Variants in SPIDR observed in about 807,000 individuals in gnomAD.
SPIDR encodes the protein scaffold protein involved in DNA repair.
Under a neutral mutation model 104.6 loss-of-function variants are expected in SPIDR, and 93 were observed. The ratio of observed to expected loss-of-function variants is 0.89; its 90% CI spans 0.75 to 1.06. SPIDR has a LOEUF of 1.06. Ranked by LOEUF, SPIDR falls within the 50% of genes least tolerant of loss-of-function variation. The probability of loss-of-function intolerance (pLI) is 0.00; values close to 1 mark genes in which losing one functional copy is unlikely to be tolerated. For missense variants in SPIDR, 1,154 were observed against 1,111.2 expected (o/e 1.04, Z -0.55); for synonymous variants, 431 against 416.9 (o/e 1.03, Z -0.41).
chr8:47,291,670 A>G (rs2039929903), intron 4 of SPIDR, among the ~76,000 whole-genome samples: 1 of 152,216 alleles, frequency 6.6e-6, no homozygotes, highest in Non-Finnish European at 1.5e-5. Context: ...ACAGTTAACA[A>G]CTTAAGCTTG....
At chr8:47,308,103 C>T (rs1446808714) in intron 5 of SPIDR, among the ~76,000 whole-genome samples, 2 of 151,922 alleles carry the variant, frequency 1.3e-5, no homozygotes, top group African/African-American at 4.8e-5. Context: ...ACTCTGTTGC[C>T]CAGGCTGGAG....
At chr8:47,485,807 A>G (rs2077519357) in intron 8 of SPIDR, among the ~76,000 whole-genome samples, 1 of 152,226 alleles carries the variant, frequency 6.6e-6, no homozygotes. Context: ...TTACAAGGAA[A>G]ACTAACAAAC....
rs528977188 is a variant in SPIDR at position 47,724,774 on chromosome 8, G to A, written c.2342-2426G>A. 5.4e-4 allele frequency among the ~76,000 whole-genome samples: 82 copies of A among 152,342 alleles called. 1 individual carries two copies. Among genetic ancestry groups the A allele is most frequent in the African/African-American group, 1.8e-3 (75 of 41,584 alleles). On this transcript the variant is annotated intron_variant, in intron 16 of 19. Coordinates refer to ENST00000297423, the MANE Select transcript of SPIDR (RefSeq NM_001080394.4). The stretch of plus-strand genomic sequence containing the variant: ...TCCATCCAGGTCTCAGTGATGGGGT[G>A]AGGGGGAGACACTCACTCCTTGCTG...
intron 5 of SPIDR, among the ~76,000 whole-genome samples, chr8:47,387,728 C>T (rs2060120363): frequency 6.6e-6 from 1 of 152,090 alleles, no homozygotes; most frequent in African/African-American, 2.4e-5. Context: ...AGAAGTTGGC[C>T]GGGATATTTA....
chr8:47,307,450 C>T (rs1292826510), intron 5 of SPIDR, among the ~76,000 whole-genome samples: 1 of 151,288 alleles, frequency 6.6e-6, no homozygotes, highest in Non-Finnish European at 1.5e-5. Context: ...AACTCCTGAC[C>T]TCAGGTGATC....
chr8:47,434,577 T>C (rs898162064), intron 7 of SPIDR, among the ~76,000 whole-genome samples: 3 of 152,220 alleles, frequency 2.0e-5, no homozygotes, highest in Non-Finnish European at 2.9e-5. Flanking sequence ...GCAACAATTA[T>C]GTTATGAAAA....
chr8:47,273,831 A>T (rs1321495721), intron 1 of SPIDR, among the ~76,000 whole-genome samples: 1 of 152,090 alleles, frequency 6.6e-6, no homozygotes, highest in African/African-American at 2.4e-5. Context: ...GGCTCAAGAG[A>T]TCCTCCATCC....
chr8:47,421,043 T>A (rs936381451), intron 7 of SPIDR, among the ~76,000 whole-genome samples: 2 of 152,228 alleles, frequency 1.3e-5, no homozygotes, highest in African/African-American at 4.8e-5. Context: ...GCCCTTAACA[T>A]TTTTTCCTCC....
intron 8 of SPIDR, among the ~76,000 whole-genome samples, chr8:47,506,053 C>T (rs1400044970): frequency 6.6e-6 from 1 of 152,160 alleles, no homozygotes; most frequent in Non-Finnish European, 1.5e-5. Context: ...TCTATACTTT[C>T]TCAAACCATT....
chr8:47,457,563 A>T (rs1208059289), intron 8 of SPIDR, among the ~76,000 whole-genome samples: 3 of 151,984 alleles, frequency 2.0e-5, no homozygotes, highest in Non-Finnish European at 2.9e-5. Flanking sequence ...TACTTTGCTG[A>T]CTGTTGCTTT....
Position 47,595,813 on chromosome 8 carries a change from A to G in SPIDR, c.1100A>G (p.Gln367Arg), listed in dbSNP as rs1318070639. The change falls in exon 9 of 20, where the codon CAA (glutamine) becomes CGA (arginine). Residue 367 changes from glutamine (Q) to arginine (R), a missense_variant and splice_region_variant. Gln to Arg is a conservative substitution (Grantham distance 43). Transcript: ENST00000297423. Reference sequence around the variant, plus strand: ...TTGCATGTCTTTCTCTTTTCCAGGCAAAAACTGATTATTCCAAGTGGAAGT... The same window carrying G: ...TTGCATGTCTTTCTCTTTTCCAGGCGAAAACTGATTATTCCAAGTGGAAGT... ...QDTVRIFPPWQKLIIPSGSCP... is the reference protein window; with the variant it reads ...QDTVRIFPPWRKLIIPSGSCP... 1.2e-6 allele frequency: 2 copies of G among 1,613,790 alleles called. No individual in the cohort carries two copies. The highest frequency in any genetic ancestry group is 2.7e-5 in the African/African-American group (2 of 74,910).
intron 7 of SPIDR, among the ~76,000 whole-genome samples, chr8:47,439,409 T>C (rs546341511): frequency 6.6e-6 from 1 of 152,356 alleles, no homozygotes; most frequent in African/African-American, 2.4e-5. Context: ...CTTTCATTTC[T>C]TGAGACCTCT....
chr8:47,296,658 G>C (rs1041053456), intron 5 of SPIDR, among the ~76,000 whole-genome samples: 10 of 152,144 alleles, frequency 6.6e-5, no homozygotes, highest in African/African-American at 2.4e-4. Flanking sequence ...GGTTACATTA[G>C]CTTTGTAACA....
At chr8:47,678,040 A>G (rs77084435) in intron 11 of SPIDR, among the ~76,000 whole-genome samples, 1 of 146,870 alleles carries the variant, frequency 6.8e-6, no homozygotes, top group Non-Finnish European at 1.5e-5. Flanking sequence ...CTCCACCTCA[A>G]AAAAAAAAAA....
intron 10 of SPIDR, among the ~76,000 whole-genome samples, chr8:47,621,509 C>T (rs2065169068): frequency 6.6e-6 from 1 of 152,164 alleles, no homozygotes; most frequent in Admixed American, 6.5e-5. Flanking sequence ...TTGTGCGCGC[C>T]TCTCTCTTGA....
At chr8:47,654,406 C>T (rs1313526976) in intron 10 of SPIDR, among the ~76,000 whole-genome samples, 4 of 152,152 alleles carry the variant, frequency 2.6e-5, no homozygotes, top group Admixed American at 6.5e-5. Context: ...TAGAGTACTT[C>T]CAGGTTTTGA....
intron 16 of SPIDR, among the ~76,000 whole-genome samples, chr8:47,722,373 T>G (rs2083526418): frequency 6.6e-6 from 1 of 152,216 alleles, no homozygotes; most frequent in Non-Finnish European, 1.5e-5. Context: ...CTTGTCTTAC[T>G]GCATTAGCTA....
intron 5 of SPIDR, among the ~76,000 whole-genome samples, chr8:47,388,805 T>A (rs2060238052): frequency 6.6e-6 from 1 of 152,208 alleles, no homozygotes; most frequent in Non-Finnish European, 1.5e-5. Flanking sequence ...TTGCAACAGA[T>A]GTGTACTACA....
chr8:47,467,508 C>T (rs2075065207), intron 8 of SPIDR, among the ~76,000 whole-genome samples: 1 of 152,160 alleles, frequency 6.6e-6, no homozygotes, highest in East Asian at 1.9e-4. Flanking sequence ...AAAAGCTTAT[C>T]CACCACGATC....
Sources: gnomAD v4.1 joint callset for allele counts (sites outside exome capture counted in the v4.1 genomes callset) on GRCh38, gnomAD v4.1.1 for gene constraint, MANE v1.5 for transcripts, NCBI Gene and HGNC (gene_info 2026-07-23, HGNC 2026-07-21) for gene names.